The following EBF1 variants were observed in gnomAD, a reference collection of about 807,000 sequenced individuals.
EBF1 encodes the protein transcription factor COE1.
Under a neutral mutation model 68.4 loss-of-function variants are expected in EBF1, and 10 were observed. The ratio of observed to expected loss-of-function variants is 0.15; its 90% CI spans 0.09 to 0.25. EBF1 has a LOEUF of 0.25. Among genes scored for constraint, EBF1 ranks in the 10% least tolerant of loss-of-function variants. The pLI is 1.00. For synonymous variants in EBF1, 298 were observed against 299.8 expected (o/e 0.99, Z 0.06); for missense variants, 509 against 794.4 (o/e 0.64, Z 4.32).
At chr5:158,729,472 C>T (rs776747964) in intron 11 of EBF1, among the ~76,000 whole-genome samples, 3 of 152,290 alleles carry the variant, frequency 2.0e-5, no homozygotes, top group Admixed American at 2.0e-4. Flanking sequence ...GTCAGACCCA[C>T]ATCATTTATA....
At chr5:158,701,713 A>C (rs1452152723) in intron 15 of EBF1, among the ~76,000 whole-genome samples, 3 of 152,254 alleles carry the variant, frequency 2.0e-5, no homozygotes, top group South Asian at 4.1e-4. Context: ...GAGAAGCTAG[A>C]GATTTAGACT....
chr5:158,728,183 C>G (rs1206044811), intron 11 of EBF1, among the ~76,000 whole-genome samples: 1 of 152,190 alleles, frequency 6.6e-6, no homozygotes, highest in Admixed American at 6.5e-5. Flanking sequence ...TCTCGCTCCA[C>G]TTTAACATTC....
At chr5:158,701,726 G>GT (rs1169147094) in intron 15 of EBF1, among the ~76,000 whole-genome samples, 3 of 152,246 alleles carry the variant, frequency 2.0e-5, no homozygotes, top group East Asian at 1.9e-4. Flanking sequence ...TTTAGACTTT[G>GT]TTTTTTTAAA....
chr5:158,982,796 A>C (rs13156656), intron 6 of EBF1, among the ~76,000 whole-genome samples: 2 of 149,758 alleles, frequency 1.3e-5, no homozygotes, highest in Admixed American at 6.6e-5. Flanking sequence ...ATATATATAT[A>C]GTGGTCTAAA....
At chr5:158,966,126 G>A (rs1261020350) in intron 6 of EBF1, among the ~76,000 whole-genome samples, 1 of 152,138 alleles carries the variant, frequency 6.6e-6, no homozygotes, top group South Asian at 2.1e-4. Context: ...AAGTAACATT[G>A]GTTGCTTCCC....
At chr5:159,051,282 G>T (rs1453467599) in intron 6 of EBF1, among the ~76,000 whole-genome samples, 2 of 151,892 alleles carry the variant, frequency 1.3e-5, no homozygotes, top group African/African-American at 4.8e-5. Flanking sequence ...TAGAGGTCAA[G>T]GCATCCTTTT....
intron 6 of EBF1, among the ~76,000 whole-genome samples, chr5:158,912,071 A>G (rs1806110480): frequency 6.6e-6 from 1 of 152,236 alleles, no homozygotes; most frequent in Non-Finnish European, 1.5e-5. Context: ...TATAAAGAAC[A>G]TTCACAGAAT....
At chr5:158,901,260 A>G (rs550966582) in intron 6 of EBF1, among the ~76,000 whole-genome samples, 1 of 152,356 alleles carries the variant, frequency 6.6e-6, no homozygotes, top group East Asian at 1.9e-4. Flanking sequence ...AAATACCATT[A>G]GTTCTCTGTA....
intron 6 of EBF1, among the ~76,000 whole-genome samples, chr5:159,052,005 C>T (rs1773841495): frequency 2.8e-5 from 1 of 35,108 alleles, no homozygotes; most frequent in South Asian, 5.0e-4. Flanking sequence ...TCATAAGACA[C>T]ACGCAAAAAA....
chr5:158,901,142 A>G (rs966879268), intron 6 of EBF1, among the ~76,000 whole-genome samples: 4 of 152,192 alleles, frequency 2.6e-5, no homozygotes, highest in Admixed American at 2.6e-4. Flanking sequence ...CTTCTACCAC[A>G]TGGATGTTAT....
At chr5:159,075,939 C>T (rs554482391) in intron 5 of EBF1, among the ~76,000 whole-genome samples, 98 of 152,266 alleles carry the variant, frequency 6.4e-4, no homozygotes, top group South Asian at 3.5e-3. Context: ...CCTAGTTAGC[C>T]AATCTTTTCT....
At chr5:158,802,982 T>C (rs975858122) in intron 8 of EBF1, among the ~76,000 whole-genome samples, 1 of 152,136 alleles carries the variant, frequency 6.6e-6, no homozygotes, top group Non-Finnish European at 1.5e-5. Context: ...CTTGCTAACA[T>C]ATCCAACTAA....
chr5:159,019,159 T>C (rs1025558858), intron 6 of EBF1: 1 of 152,190 alleles, frequency 6.6e-6, no homozygotes, highest in Admixed American at 6.5e-5. Flanking sequence ...AAATGTTTAT[T>C]AAAGTCTACT....
intron 6 of EBF1, among the ~76,000 whole-genome samples, chr5:159,070,356 T>A (rs1777588921): frequency 6.6e-6 from 1 of 152,182 alleles, no homozygotes; most frequent in South Asian, 2.1e-4. Flanking sequence ...GTCATATGTT[T>A]CTCAGTCTGT....
rs958012853 is a variant in EBF1 at position 158,696,749 on chromosome 5, C to G, written c.*2362G>C. 2.4e-5 allele frequency: 4 copies of G among 163,268 alleles called. No individual in the cohort carries two copies. In the Admixed American group the frequency reaches 2.8e-4, roughly 11 times the overall value. 10.1% of individuals were successfully genotyped at this position (163,268 alleles called of 1,614,324 possible). A position where few individuals can be genotyped will look rare whatever the true frequency, so the allele number is the denominator to read the frequency against. ...CCCACCCCAACCCATAAAAATCGCA[C>G]TCTTGACAGCCTAGTGAAAACCATT... On this transcript the variant is annotated 3_prime_UTR_variant, in exon 16 of 16. Transcript: ENST00000313708.
intron 10 of EBF1, among the ~76,000 whole-genome samples, chr5:158,776,854 TTC>T (rs930568268): frequency 6.6e-6 from 1 of 152,184 alleles, no homozygotes; most frequent in Non-Finnish European, 1.5e-5. Flanking sequence ...TGCTGCCTGG[TTC>T]TCTCTGTCTG....
chr5:159,041,177 C>G (rs947766769), intron 6 of EBF1, among the ~76,000 whole-genome samples: 1 of 152,192 alleles, frequency 6.6e-6, no homozygotes, highest in African/African-American at 2.4e-5. Flanking sequence ...CCTTAATAAA[C>G]TAACAGTATT....
Position 158,803,954 on chromosome 5 carries a change from G to C in EBF1, c.779-7479C>G, listed in dbSNP as rs530137223. 4.4e-4 allele frequency among the ~76,000 whole-genome samples: 45 copies of C among 102,142 alleles called. 1 individual carries two copies. The South Asian group carries it at 0.014, about 33-fold the overall frequency. 67.0% of individuals were successfully genotyped at this position (102,142 alleles called of 152,430 possible). A position where few individuals can be genotyped will look rare whatever the true frequency, so the allele number is the denominator to read the frequency against. ...GAAAAAGAGTCGTGTGTGTGTCTGT[G>C]TGTGTGTGTGTGTGTGTGTGTGTGT... On this transcript the variant is annotated intron_variant, in intron 8 of 15. Coordinates refer to ENST00000313708, the MANE Select transcript of EBF1 (RefSeq NM_024007.5).
At chr5:158,994,127 CA>C (rs1760927437) in intron 6 of EBF1, among the ~76,000 whole-genome samples, 1 of 152,188 alleles carries the variant, frequency 6.6e-6, no homozygotes, top group Non-Finnish European at 1.5e-5. Flanking sequence ...CCCCTTCCTG[CA>C]GGTGGGTGCG....
Sources: gnomAD v4.1 joint callset for allele counts (sites outside exome capture counted in the v4.1 genomes callset) on GRCh38, gnomAD v4.1.1 for gene constraint, MANE v1.5 for transcripts, NCBI Gene and HGNC (gene_info 2026-07-23, HGNC 2026-07-21) for gene names.